SGMS1: variants seen among roughly 807,000 people sequenced by gnomAD.
SGMS1 encodes the protein phosphatidylcholine:ceramide cholinephosphotransferase 1.
A neutral mutation model predicts 46.2 loss-of-function variants in SGMS1; 13 were observed. The ratio of observed to expected loss-of-function variants is 0.28; its 90% CI spans 0.18 to 0.45. The LOEUF is 0.45. Ranked by LOEUF, SGMS1 falls within the 20% of genes least tolerant of loss-of-function variation. SGMS1 has a pLI of 1.00. For synonymous variants in SGMS1, 203 were observed against 187.8 expected (o/e 1.08, Z -0.66); for missense variants, 324 against 519.9 (o/e 0.62, Z 3.66).
chr10:50,538,454 TCTC>T (rs1838023260), intron 2 of SGMS1, among the ~76,000 whole-genome samples: 1 of 60,340 alleles, frequency 1.7e-5, no homozygotes, highest in African/African-American at 5.8e-5. Context: ...TGAGACTCCA[TCTC>T]AAAAAAAAAA....
chr10:50,593,695 C>T (rs1838563728), intron 1 of SGMS1, among the ~76,000 whole-genome samples: 1 of 152,170 alleles, frequency 6.6e-6, no homozygotes, highest in Non-Finnish European at 1.5e-5. Flanking sequence ...TCTAAGCCTA[C>T]TATGAATGAA....
At chr10:50,595,699 G>A (rs928680093) in intron 1 of SGMS1, among the ~76,000 whole-genome samples, 4 of 152,192 alleles carry the variant, frequency 2.6e-5, no homozygotes, top group Non-Finnish European at 5.9e-5. Flanking sequence ...CTAATTTCAG[G>A]GCTTGTGGTA....
rs185779404 is a variant in SGMS1, at chr10:50,329,904, G to A, written c.624-2582C>T. On this transcript the variant is annotated intron_variant, in intron 7 of 10. Coordinates refer to ENST00000361781, the MANE Select transcript of SGMS1 (RefSeq NM_147156.4). ...ATCTATTTTTCTCCCAAGTGTTAGA[G>A]CACTAGGCTCATTATTACTTTTTCT... Among the ~76,000 whole-genome samples the A allele has an allele frequency of 4.0e-3, 602 of 152,232 alleles. 2 individuals are homozygous for A. Among genetic ancestry groups the A allele is most frequent in the Non-Finnish European group, 6.3e-3 (429 of 68,014 alleles).
chr10:50,404,146 T>C (rs950274419), intron 6 of SGMS1, among the ~76,000 whole-genome samples: 2 of 151,704 alleles, frequency 1.3e-5, no homozygotes, highest in African/African-American at 2.4e-5. Context: ...AGCACATGAG[T>C]GAGCAGTTTA....
intron 7 of SGMS1, among the ~76,000 whole-genome samples, chr10:50,332,675 T>C (rs1847646809): frequency 7.3e-6 from 1 of 136,976 alleles, no homozygotes; most frequent in Non-Finnish European, 1.5e-5. Flanking sequence ...CAGGCTGGAG[T>C]GCAGTCGCAT....
intron 8 of SGMS1, among the ~76,000 whole-genome samples, chr10:50,314,640 T>A (rs562838234): frequency 4.3e-4 from 66 of 152,260 alleles, no homozygotes; most frequent in Admixed American, 1.0e-3. Flanking sequence ...GTAACACTAA[T>A]CACAAAAGCA....
intron 6 of SGMS1, among the ~76,000 whole-genome samples, chr10:50,369,658 C>T (rs1299370464): frequency 6.6e-6 from 1 of 151,968 alleles, no homozygotes. Flanking sequence ...AGCAAGATGC[C>T]ATTCTTTAGC....
chr10:50,464,973 A>G (rs1837312517), intron 4 of SGMS1, among the ~76,000 whole-genome samples: 1 of 152,224 alleles, frequency 6.6e-6, no homozygotes, highest in Non-Finnish European at 1.5e-5. Flanking sequence ...CCTAGACTCC[A>G]GATAAGGCTG....
At chr10:50,624,993 C>G (rs12763727), upstream of SGMS1, 2 of 1,026,874 alleles carry the variant, frequency 1.9e-6, no homozygotes, top group African/African-American at 1.7e-5. Context: ...CGGAACCGAC[C>G]TGGGAGCTGG....
At chr10:50,503,072 T>C (rs1047665320) in intron 3 of SGMS1, among the ~76,000 whole-genome samples, 4 of 152,212 alleles carry the variant, frequency 2.6e-5, no homozygotes, top group African/African-American at 7.2e-5. Context: ...AAGAACCACC[T>C]TAACTGAATG....
chr10:50,363,134 T>C (rs1274491238), intron 6 of SGMS1, among the ~76,000 whole-genome samples: 1 of 152,160 alleles, frequency 6.6e-6, no homozygotes, highest in Non-Finnish European at 1.5e-5. Flanking sequence ...TCTATCTCAC[T>C]GTCTCCAAAA....
chr10:50,353,502 G>A (rs1454857418), intron 6 of SGMS1, among the ~76,000 whole-genome samples: 1 of 152,402 alleles, frequency 6.6e-6, no homozygotes, highest in African/African-American at 2.4e-5. Context: ...GGCAAAAACT[G>A]GAAGCATTCC....
At chr10:50,441,460 T>A (rs1465806848) in intron 5 of SGMS1, among the ~76,000 whole-genome samples, 1 of 152,144 alleles carries the variant, frequency 6.6e-6, no homozygotes, top group African/African-American at 2.4e-5. Context: ...CTAACACAAA[T>A]AACTTTAATT....
At chr10:50,538,474 AAAAG>A (rs1037409732) in intron 2 of SGMS1, among the ~76,000 whole-genome samples, 5 of 151,592 alleles carry the variant, frequency 3.3e-5, no homozygotes, top group African/African-American at 1.2e-4. Context: ...AAAAAAAAAA[AAAAG>A]AGATAGCTTA....
chr10:50,506,502 A>C (rs1165332989), intron 3 of SGMS1, among the ~76,000 whole-genome samples: 1 of 152,172 alleles, frequency 6.6e-6, no homozygotes, highest in Non-Finnish European at 1.5e-5. Context: ...TGAAAAATCC[A>C]TACATAGATA....
intron 9 of SGMS1, among the ~76,000 whole-genome samples, chr10:50,308,690 G>C (rs1847211522): frequency 6.6e-6 from 1 of 152,068 alleles, no homozygotes; most frequent in Non-Finnish European, 1.5e-5. Context: ...TCTAGTTCAA[G>C]TGCCTTCTCA....
intron 3 of SGMS1, among the ~76,000 whole-genome samples, chr10:50,480,759 C>A (rs1159626539): frequency 6.6e-6 from 1 of 152,144 alleles, no homozygotes; most frequent in Non-Finnish European, 1.5e-5. Context: ...CCTAAGATGA[C>A]TGAGTTCCTG....
In SGMS1 at chr10:50,306,962, C is replaced by G; in HGVS notation, c.*180G>C. The stretch of plus-strand genomic sequence containing the variant: ...AGGTTAAATTTTTCTTTATTGTTGT[C>G]CAACGCAGGTCCTTTGGAGAGAAAA... On this transcript the variant is annotated 3_prime_UTR_variant, in exon 11 of 11. Transcript: ENST00000361781. 1 of 602,178 alleles carries G rather than the reference C, an allele frequency of 1.7e-6. No individual in the cohort carries two copies. Among genetic ancestry groups the G allele is most frequent in the South Asian group, 2.6e-5 (1 of 38,320 alleles). 37.3% of individuals were successfully genotyped at this position (602,178 alleles called of 1,614,324 possible).
intron 6 of SGMS1, among the ~76,000 whole-genome samples, chr10:50,416,340 T>C (rs1849169033): frequency 6.6e-6 from 1 of 152,180 alleles, no homozygotes; most frequent in African/African-American, 2.4e-5. Flanking sequence ...TCTTCAACTA[T>C]AAAACAGGGT....
Sources: allele counts gnomAD v4.1 joint callset (sites outside exome capture counted in the v4.1 genomes callset), GRCh38; gene constraint gnomAD v4.1.1; transcripts MANE v1.5; gene names NCBI Gene and HGNC (gene_info 2026-07-23, HGNC 2026-07-21).